AVEN: variants seen among roughly 807,000 people sequenced by gnomAD.
AVEN encodes cell death regulator Aven.
In AVEN, 41 loss-of-function variants were observed where a neutral mutation model predicts 38.1. The observed-to-expected ratio is 1.08, with a 90% CI of 0.84 to 1.40. The LOEUF (loss-of-function observed/expected upper bound fraction) is 1.40, where lower values mean the gene tolerates loss of function less well. Among genes scored for constraint, AVEN ranks in the 40% most tolerant of loss-of-function variants. The probability of loss-of-function intolerance (pLI) is 0.00; values close to 1 mark genes in which losing one functional copy is unlikely to be tolerated. For missense variants in AVEN, 605 were observed against 438.8 expected (o/e 1.38, Z -3.38); for synonymous variants, 206 against 171.8 (o/e 1.20, Z -1.56).
At chr15:33,865,261 T>TCAACTTC (rs754607823), downstream of AVEN, 5 of 1,471,038 alleles carry the variant, frequency 3.4e-6, no homozygotes, top group South Asian at 5.8e-5. Context: ...TTCTGGACAG[T>TCAACTTC]CAACTTCCCA....
chr15:33,982,474 C>T (rs377083888), intron 2 of AVEN, among the ~76,000 whole-genome samples: 1 of 152,092 alleles, frequency 6.6e-6, no homozygotes, highest in East Asian at 1.9e-4. Flanking sequence ...TTTTCTGGAG[C>T]AAAGCAATAA....
At chr15:33,943,905 T>G (rs1331520466) in intron 2 of AVEN, among the ~76,000 whole-genome samples, 1 of 151,944 alleles carries the variant, frequency 6.6e-6, no homozygotes, top group African/African-American at 2.4e-5. Context: ...TTTTATATAC[T>G]TCTTTATTTT....
At chr15:33,993,376 AC>A (rs904709668) in intron 2 of AVEN, among the ~76,000 whole-genome samples, 1 of 152,296 alleles carries the variant, frequency 6.6e-6, no homozygotes. Flanking sequence ...AAAAAGTATG[AC>A]TTTGAACAAC....
At chr15:33,928,981 T>C (rs1260081651) in intron 2 of AVEN, among the ~76,000 whole-genome samples, 2 of 152,156 alleles carry the variant, frequency 1.3e-5, no homozygotes, top group Non-Finnish European at 2.9e-5. Context: ...AGCAAGGTAG[T>C]ACCCATCTAA....
At chr15:33,983,269 AACAAATG>A (rs1380910247) in intron 2 of AVEN, among the ~76,000 whole-genome samples, 1 of 151,000 alleles carries the variant, frequency 6.6e-6, no homozygotes, top group Non-Finnish European at 1.5e-5. Flanking sequence ...CTTGGTAACC[AACAAATG>A]ACAAAAGATA....
chr15:33,881,071 T>C (rs946398266), intron 2 of AVEN, among the ~76,000 whole-genome samples: 5 of 152,132 alleles, frequency 3.3e-5, no homozygotes, highest in East Asian at 1.9e-4. Flanking sequence ...ATAAAGAATA[T>C]AGAAGCTAAT....
chr15:34,011,222 A>G (rs1897624362), intron 1 of AVEN, among the ~76,000 whole-genome samples: 2 of 152,190 alleles, frequency 1.3e-5, no homozygotes, highest in African/African-American at 2.4e-5. Flanking sequence ...GGCCTATACG[A>G]AAAAGGAAAA....
chr15:33,852,020 CA>C, the AVEN span: 1 of 148,924 alleles, frequency 6.7e-6, no homozygotes, highest in Admixed American at 6.7e-5. Context: ...AAAAAAAAAA[CA>C]TTTTTTTTTA....
At chr15:34,064,481 A>G (rs1420942325) in intron 4 of AVEN, 3 of 775,616 alleles carry the variant, frequency 3.9e-6, no homozygotes, top group Non-Finnish European at 4.1e-6. Flanking sequence ...AAGGGGCCAT[A>G]GCTGCAGCAA....
chr15:34,014,694 A>G (rs745659605), intron 1 of AVEN, among the ~76,000 whole-genome samples: 12 of 152,190 alleles, frequency 7.9e-5, no homozygotes, highest in Non-Finnish European at 1.6e-4. Flanking sequence ...ACTCAACTGG[A>G]AAGTTCAGCG....
In AVEN at chr15:33,875,926, T is replaced by C. The variant is rs546781863; in HGVS notation, c.515A>G (p.Gln172Arg). The C allele has an allele frequency of 1.9e-6, 3 of 1,613,304 alleles. No individual in the cohort carries two copies. The highest frequency in any genetic ancestry group is 2.5e-6 in the Non-Finnish European group (3 of 1,179,382). ...CACTTAACACAACTCTTATCTTACC[T>C]GTTTTGGACAAGAAGCTTCACTATC... ...EWDSEASCPK[Q>R]NSAFYVDSEL... is the part of the protein sequence containing the mutation. Residue 172 changes from glutamine (Q) to arginine (R), a missense_variant and splice_region_variant, in exon 3 of 6, where the codon CAG becomes CGG. By Grantham distance (43) the Gln-to-Arg change is conservative. Coordinates refer to ENST00000306730, the MANE Select transcript of AVEN (RefSeq NM_020371.3).
intron 2 of AVEN, among the ~76,000 whole-genome samples, chr15:33,943,790 T>C (rs960731502): frequency 1.6e-5 from 2 of 124,304 alleles, no homozygotes; most frequent in Non-Finnish European, 3.1e-5. Flanking sequence ...ACTACTGCAC[T>C]CCAGCCTGGG....
At chr15:34,001,586 GT>G (rs1410932665) in intron 2 of AVEN, among the ~76,000 whole-genome samples, 1 of 152,088 alleles carries the variant, frequency 6.6e-6, no homozygotes, top group African/African-American at 2.4e-5. Flanking sequence ...CAAAATATAG[GT>G]ACCAAGAGGG....
chr15:33,967,467 T>C (rs1335831318), intron 2 of AVEN, among the ~76,000 whole-genome samples: 1 of 152,018 alleles, frequency 6.6e-6, no homozygotes, highest in Non-Finnish European at 1.5e-5. Flanking sequence ...ATAGGTGAAA[T>C]GAGATTTGCT....
At chr15:33,958,995 G>GTC (rs754375973) in intron 2 of AVEN, among the ~76,000 whole-genome samples, 7 of 152,064 alleles carry the variant, frequency 4.6e-5, no homozygotes, top group Non-Finnish European at 1.0e-4. Flanking sequence ...CAAGCCATTG[G>GTC]TCTCCTCAGA....
At chr15:34,047,878 CCT>C (rs1377435248) in intron 5 of AVEN, among the ~76,000 whole-genome samples, 1 of 152,140 alleles carries the variant, frequency 6.6e-6, no homozygotes, top group African/African-American at 2.4e-5. Flanking sequence ...CCTCCCGCAC[CCT>C]GTTTCCCAGG....
chr15:33,892,147 T>C (rs948306191), intron 2 of AVEN, among the ~76,000 whole-genome samples: 1 of 152,222 alleles, frequency 6.6e-6, no homozygotes, highest in Non-Finnish European at 1.5e-5. Context: ...GATGGGTAGA[T>C]TGCAAAAATT....
intron 2 of AVEN, among the ~76,000 whole-genome samples, chr15:33,934,310 T>C (rs28529776): frequency 0.014 from 2,127 of 152,168 alleles, 59 homozygotes; most frequent in African/African-American, 0.048. Context: ...CAGTAAGCTA[T>C]GAATATGCCA....
chr15:33,891,720 T>C (rs567355123), intron 2 of AVEN, among the ~76,000 whole-genome samples: 2 of 152,306 alleles, frequency 1.3e-5, no homozygotes, highest in South Asian at 2.1e-4. Context: ...AGTAGAATGA[T>C]TTATAATCCT....
Sources: gnomAD v4.1 joint callset for allele counts (sites outside exome capture counted in the v4.1 genomes callset) on GRCh38, gnomAD v4.1.1 for gene constraint, MANE v1.5 for transcripts, NCBI Gene and HGNC (gene_info 2026-07-23, HGNC 2026-07-21) for gene names.